The following GNAQ variants were observed in gnomAD, a reference collection of about 807,000 sequenced individuals.
GNAQ encodes the protein G protein subunit alpha q, also known as guanine nucleotide-binding protein G(q) subunit alpha.
In GNAQ, 8 loss-of-function variants were observed where a neutral mutation model predicts 43.9. The ratio of observed to expected loss-of-function variants is 0.18; its 90% CI spans 0.11 to 0.33. The LOEUF is 0.33. Among genes scored for constraint, GNAQ ranks in the 10% least tolerant of loss-of-function variants. The pLI, the probability that GNAQ is intolerant of heterozygous loss-of-function variation, is 1.00. For missense variants in GNAQ, 158 were observed against 450.8 expected, an observed-to-expected ratio of 0.35 and a Z score of 5.88; for synonymous variants, 155 against 170.7, an observed-to-expected ratio of 0.91 and a Z score of 0.71.
intron 1 of GNAQ, among the ~76,000 whole-genome samples, chr9:78,011,379 C>A (rs561870617): frequency 3.3e-5 from 5 of 151,958 alleles, no homozygotes; most frequent in Non-Finnish European, 7.4e-5. Flanking sequence ...AAGGGCCAGA[C>A]AAAATTTGGA....
intron 1 of GNAQ, among the ~76,000 whole-genome samples, chr9:77,928,996 C>A (rs767846448): frequency 6.6e-6 from 1 of 151,932 alleles, no homozygotes; most frequent in East Asian, 1.9e-4. Context: ...TCATCCTGGG[C>A]AAGAGTGAGA....
intron 1 of GNAQ, among the ~76,000 whole-genome samples, chr9:77,999,226 G>T (rs1587453998): frequency 6.6e-6 from 1 of 151,508 alleles, no homozygotes; most frequent in African/African-American, 2.4e-5. Flanking sequence ...AACAGAATCA[G>T]CATGCAAAAT....
intron 5 of GNAQ, among the ~76,000 whole-genome samples, chr9:77,735,720 T>A (rs1326506586): frequency 6.6e-6 from 1 of 152,156 alleles, no homozygotes; most frequent in East Asian, 1.9e-4. Context: ...GGAATTCACA[T>A]GAATCTGCTG....
chr9:78,019,587 A>T (rs1823880364), intron 1 of GNAQ, among the ~76,000 whole-genome samples: 1 of 152,198 alleles, frequency 6.6e-6, no homozygotes, highest in African/African-American at 2.4e-5. Flanking sequence ...TAACCAAAAC[A>T]TATGCAGCTT....
At chr9:77,920,228 T>C (rs771293253) in intron 2 of GNAQ, among the ~76,000 whole-genome samples, 61 of 152,162 alleles carry the variant, frequency 4.0e-4, no homozygotes, top group Non-Finnish European at 7.5e-4. Context: ...TTCCACCCCA[T>C]CTTTAACATC....
intron 1 of GNAQ, among the ~76,000 whole-genome samples, chr9:78,010,812 C>T (rs1020016257): frequency 6.6e-6 from 1 of 152,062 alleles, no homozygotes; most frequent in African/African-American, 2.4e-5. Flanking sequence ...AAAAACAGTA[C>T]AATGTTGAGG....
At chr9:77,982,733 TAAAA>T (rs562254223) in intron 1 of GNAQ, among the ~76,000 whole-genome samples, 3 of 121,802 alleles carry the variant, frequency 2.5e-5, no homozygotes, top group Admixed American at 8.7e-5. Flanking sequence ...ATTCTATGTT[TAAAA>T]AAAAAAAAAA....
chr9:78,024,491 A>C (rs1275196003), intron 1 of GNAQ, among the ~76,000 whole-genome samples: 2 of 152,196 alleles, frequency 1.3e-5, no homozygotes, highest in Non-Finnish European at 2.9e-5. Context: ...CTTTGCCTTC[A>C]CGGAGCTTCC....
In GNAQ at chr9:77,793,983, T is replaced by C. The variant is rs114532742; in HGVS notation, c.735+480A>G. On this transcript the variant is annotated intron_variant, in intron 5 of 6. Transcript: ENST00000286548. The stretch of plus-strand genomic sequence containing the variant: ...GCAGAAAGGCCGCATCACCAAGATA[T>C]TCCATGGTTCATAATGAACTGATTT... 6.7e-3 allele frequency among the ~76,000 whole-genome samples: 1,024 copies of C among 152,244 alleles called. 11 individuals carry two copies. The highest frequency in any genetic ancestry group is 0.024 in the African/African-American group (977 of 41,556).
intron 5 of GNAQ, among the ~76,000 whole-genome samples, chr9:77,753,528 G>A (rs1207540550): frequency 1.3e-5 from 2 of 152,154 alleles, no homozygotes; most frequent in Non-Finnish European, 2.9e-5. Flanking sequence ...TTTTTAGTTA[G>A]TGAACGAATA....
rs548604115 is a variant in GNAQ at position 77,790,412 on chromosome 9, T to G, written c.735+4051A>C. On this transcript the variant is annotated intron_variant, in intron 5 of 6. Transcript: ENST00000286548. ...TTTAAAGAAAATGTTCAAATTTTGA[T>G]TGCAGCTGAGTAACTTCAAAATGGC... is the stretch of plus-strand genomic sequence containing the variant. 2.9e-3 allele frequency among the ~76,000 whole-genome samples: 445 copies of G among 152,300 alleles called. 4 individuals carry two copies. The highest frequency in any genetic ancestry group is 0.01 in the African/African-American group (435 of 41,556).
At chr9:77,870,561 C>T (rs1056467055) in intron 2 of GNAQ, among the ~76,000 whole-genome samples, 3 of 151,786 alleles carry the variant, frequency 2.0e-5, no homozygotes, top group Non-Finnish European at 4.4e-5. Flanking sequence ...CTCCTGGTCT[C>T]GTGATCCGCC....
intron 2 of GNAQ, among the ~76,000 whole-genome samples, chr9:77,876,934 C>T (rs1828135041): frequency 1.3e-5 from 2 of 152,180 alleles, no homozygotes; most frequent in African/African-American, 4.8e-5. Flanking sequence ...AAATTCTCCA[C>T]ACAGAGTAAC....
chr9:78,030,899 G>T (rs1235960634), intron 1 of GNAQ, among the ~76,000 whole-genome samples: 1 of 151,330 alleles, frequency 6.6e-6, no homozygotes, highest in Non-Finnish European at 1.5e-5. Context: ...GTGTGTGTGT[G>T]TGTGTGTGTG....
Position 77,772,929 on chromosome 9 carries a change from A to G in GNAQ, c.735+21534T>C, listed in dbSNP as rs368196963. ...AGCTAAACAAAAACAAAAAAACCAC[A>G]GAAACACGCCAAAAAAAATCTCATG... On this transcript the variant is annotated intron_variant, in intron 5 of 6. Transcript: ENST00000286548. Among the ~76,000 whole-genome samples, 38 of 152,366 alleles carry G rather than the reference A, an allele frequency of 2.5e-4. 3 individuals carry two copies. Among genetic ancestry groups the G allele is most frequent in the African/African-American group, 9.1e-4 (38 of 41,598 alleles).
intron 5 of GNAQ, among the ~76,000 whole-genome samples, chr9:77,788,299 G>C (rs1826515815): frequency 6.6e-6 from 1 of 152,112 alleles, no homozygotes; most frequent in Non-Finnish European, 1.5e-5. Flanking sequence ...GCAGGGAACA[G>C]TCACGTAATA....
At chr9:77,761,529 CCCGT>C (rs1759477734) in intron 5 of GNAQ, among the ~76,000 whole-genome samples, 2 of 145,570 alleles carry the variant, frequency 1.4e-5, no homozygotes, top group Non-Finnish European at 3.1e-5. Flanking sequence ...GGCCAGCCGC[CCCGT>C]CCGGGAGGGA....
At chr9:77,895,778 T>G (rs1440627636) in intron 2 of GNAQ, among the ~76,000 whole-genome samples, 1 of 152,142 alleles carries the variant, frequency 6.6e-6, no homozygotes, top group Non-Finnish European at 1.5e-5. Flanking sequence ...TGAGGATGGA[T>G]CTTTCCGGTG....
rs1242383347 is a variant in GNAQ at position 77,945,897 on chromosome 9, G to A, written c.137-23552C>T. ...AAACTGAGGTCTACTGAAGTTATGC[G>A]AATCACCCAAGTTTACATCCTCTAA... On this transcript the variant is annotated intron_variant, in intron 1 of 6. Transcript: ENST00000286548. 2.6e-5 allele frequency among the ~76,000 whole-genome samples: 4 copies of A among 152,206 alleles called. No individual in the cohort carries two copies. In the East Asian group the frequency reaches 5.8e-4, roughly 22 times the overall value.
Sources: allele counts gnomAD v4.1 joint callset (sites outside exome capture counted in the v4.1 genomes callset), GRCh38; gene constraint gnomAD v4.1.1; transcripts MANE v1.5; gene names NCBI Gene and HGNC (gene_info 2026-07-23, HGNC 2026-07-21).